PCDHGB7: variants seen among roughly 807,000 people sequenced by gnomAD.
PCDHGB7 encodes protocadherin gamma-B7.
A neutral mutation model predicts 61.4 loss-of-function variants in PCDHGB7; 37 were observed. The ratio of observed to expected loss-of-function variants is 0.60; its 90% confidence interval spans 0.46 to 0.79. The LOEUF (loss-of-function observed/expected upper bound fraction) is 0.79, where lower values mean the gene tolerates loss of function less well. PCDHGB7 is among the 30% of genes least tolerant of loss of function. PCDHGB7 has a pLI of 0.00. For missense variants in PCDHGB7, 1,166 were observed against 1,202.5 expected (o/e 0.97, Z 0.45); for synonymous variants, 464 against 503.5 (o/e 0.92, Z 1.05).
At chr5:141,420,722 A>G (rs1428516588) in intron 1 of PCDHGB7, among the ~76,000 whole-genome samples, 1 of 152,226 alleles carries the variant, frequency 6.6e-6, no homozygotes, top group African/African-American at 2.4e-5. Context: ...CGTTCCTTTC[A>G]GTCGGTTAAA....
At chr5:141,456,919 C>G (rs2098898169) in intron 1 of PCDHGB7, among the ~76,000 whole-genome samples, 1 of 152,124 alleles carries the variant, frequency 6.6e-6, no homozygotes, top group African/African-American at 2.4e-5. Flanking sequence ...GCCGAGATCG[C>G]ACCACTGCAC....
chr5:141,498,960 G>GGAGA (rs1381042115), intron 2 of PCDHGB7, among the ~76,000 whole-genome samples: 9 of 118,744 alleles, frequency 7.6e-5, no homozygotes, highest in African/African-American at 2.8e-4. Context: ...AGAGAGAGAG[G>GGAGA]GAGGGAGGGA....
intron 1 of PCDHGB7, among the ~76,000 whole-genome samples, chr5:141,474,669 C>T (rs983136753): frequency 6.6e-6 from 1 of 152,198 alleles, no homozygotes; most frequent in Non-Finnish European, 1.5e-5. Flanking sequence ...CCTACCTAAC[C>T]TATGTGCCTA....
intron 1 of PCDHGB7, among the ~76,000 whole-genome samples, chr5:141,473,907 C>T (rs552055360): frequency 2.0e-4 from 30 of 152,220 alleles, no homozygotes; most frequent in African/African-American, 7.2e-4. Context: ...ATGAAGAGGT[C>T]TTAAGAAAAC....
At position 141,431,427 on chromosome 5, in the gene PCDHGB7, C is replaced by G. The variant is rs1269666597; in HGVS notation, c.2415+11153C>G. The stretch of plus-strand genomic sequence containing the variant: ...TCCGACGGGGGCGACCCGGTGCGCA[C>G]AGGCACCGCGCGCATCCGCGTGATG... On this transcript the variant is annotated intron_variant, in intron 1 of 3. Transcript: ENST00000398594. The surrounding 1 kb of genome is among the most constrained non-coding windows in gnomAD (Gnocchi z 4.8). 1.2e-6 allele frequency: 2 copies of G among 1,613,584 alleles called. No homozygotes were observed.
In PCDHGB7 at chr5:141,418,533, C is replaced by G; in HGVS notation, c.674C>G (p.Thr225Ser). 1 of 1,614,032 alleles carries G rather than the reference C, an allele frequency of 6.2e-7. No homozygotes were observed. The highest frequency in any genetic ancestry group is 8.5e-7 in the Non-Finnish European group (1 of 1,179,904). Reference sequence around the variant, plus strand: ...GGTGGGGACCCTCCCCGAAGCGGTACTGCTCAGATAAGAATCCTGGTAATA... The same window carrying G: ...GGTGGGGACCCTCCCCGAAGCGGTAGTGCTCAGATAAGAATCCTGGTAATA... ...LDGGDPPRSG[T>S]AQIRILVIDA... The change falls in exon 1 of 4, where the codon ACT becomes AGT. Residue 225 changes from threonine (T) to serine (S), a missense_variant. Transcript: ENST00000398594.
Position 141,490,795 on chromosome 5 carries a change from C to G in PCDHGB7, c.2416-4012C>G. The G allele has an allele frequency of 6.2e-7, 1 of 1,614,036 alleles. No homozygotes were observed. The highest frequency in any genetic ancestry group is 1.1e-5 in the South Asian group (1 of 91,084). Reference sequence around the variant, plus strand: ...CCCAGAGGATGGACGGATCTTTGCCCAGCGTACCTTTGACTATGAATTGCT... The same window carrying G: ...CCCAGAGGATGGACGGATCTTTGCCGAGCGTACCTTTGACTATGAATTGCT... On this transcript the variant is annotated intron_variant, in intron 1 of 3. Transcript: ENST00000398594. This position sits in a 1 kb window ranked among gnomAD's most constrained non-coding sequence, Gnocchi z 5.4.
rs769671283 is a variant in PCDHGB7, at chr5:141,511,391, C to T, written c.*218C>T. On this transcript the variant is annotated 3_prime_UTR_variant, in exon 4 of 4. Transcript: ENST00000398594. Reference sequence around the variant, plus strand: ...TGCAAAAGCAGTTCCGCTGGGAACCCCCATCCAATCAACTGCTGTACCCAT... The same window carrying T: ...TGCAAAAGCAGTTCCGCTGGGAACCTCCATCCAATCAACTGCTGTACCCAT... The T allele has an allele frequency of 6.4e-5, 69 of 1,079,630 alleles. No individual in the cohort carries two copies. The highest frequency in any genetic ancestry group is 1.5e-4 in the Admixed American group (5 of 34,354). 66.9% of individuals were successfully genotyped at this position (1,079,630 alleles called of 1,614,324 possible). A position where few individuals can be genotyped will look rare whatever the true frequency, so the allele number is the denominator to read the frequency against.
intron 1 of PCDHGB7, among the ~76,000 whole-genome samples, chr5:141,472,147 G>T (rs2099272889): frequency 6.6e-6 from 1 of 152,112 alleles, no homozygotes; most frequent in South Asian, 2.1e-4. Flanking sequence ...AAAGTTTCAT[G>T]GTTACATAGC....
intron 1 of PCDHGB7, chr5:141,421,475 G>A (rs752558543): frequency 4.3e-6 from 7 of 1,614,150 alleles, no homozygotes. Flanking sequence ...CCGCGAAGCG[G>A]CAGCTTGATC....
chr5:141,496,876 A>G (rs964149656), intron 2 of PCDHGB7, among the ~76,000 whole-genome samples: 1 of 149,154 alleles, frequency 6.7e-6, no homozygotes, highest in African/African-American at 2.5e-5. Flanking sequence ...AAAATTTGCA[A>G]CAAGTAACAC....
Position 141,432,804 on chromosome 5 carries a change from C to T in PCDHGB7, c.2415+12530C>T, listed in dbSNP as rs1482036720. The T allele has an allele frequency of 1.2e-6, 2 of 1,614,182 alleles. No individual in the cohort carries two copies. Among genetic ancestry groups the T allele is most frequent in the Non-Finnish European group, 1.7e-6 (2 of 1,180,008 alleles). ...GACCTCGGCAGCCTCGAGTCTCCAG[C>T]TAACTCTGAAACCTCAGACCTCACT... is the stretch of plus-strand genomic sequence containing the variant. On this transcript the variant is annotated intron_variant, in intron 1 of 3. Transcript: ENST00000398594. This position sits in a 1 kb window ranked among gnomAD's most constrained non-coding sequence, Gnocchi z 6.0.
chr5:141,421,592 T>C (rs1590304832), intron 1 of PCDHGB7: 1 of 1,613,272 alleles, frequency 6.2e-7, no homozygotes, highest in Non-Finnish European at 8.5e-7. Context: ...GGAGTGGAGG[T>C]GGAAATAATA....
At chr5:141,500,809 A>G (rs1018522111) in intron 2 of PCDHGB7, among the ~76,000 whole-genome samples, 1 of 152,324 alleles carries the variant, frequency 6.6e-6, no homozygotes, top group African/African-American at 2.4e-5. Context: ...CCTCATATGA[A>G]TATACATATT....
At chr5:141,507,680 A>C (rs73794928) in intron 3 of PCDHGB7, among the ~76,000 whole-genome samples, 2,806 of 152,362 alleles carry the variant, frequency 0.018, 91 homozygotes, top group African/African-American at 0.063. Flanking sequence ...GATGTTAAAA[A>C]CAGAAATGAA....
At position 141,491,084 on chromosome 5, in the gene PCDHGB7, C is replaced by T; in HGVS notation, c.2416-3723C>T. On this transcript the variant is annotated intron_variant, in intron 1 of 3. Transcript: ENST00000398594. This position sits in a 1 kb window ranked among gnomAD's most constrained non-coding sequence, Gnocchi z 6.9. ...TACTCACTGTTGCCACAGTCCACAGCCCCAGGACTGTTCCTCGTGTCTACA... is the reference window on the plus strand; with the variant it reads ...TACTCACTGTTGCCACAGTCCACAGTCCCAGGACTGTTCCTCGTGTCTACA... The T allele has an allele frequency of 6.2e-7, 1 of 1,614,106 alleles. No homozygotes were observed. The highest frequency in any genetic ancestry group is 1.1e-5 in the South Asian group (1 of 91,082).
chr5:141,486,823 A>G lies in PCDHGB7; in HGVS notation c.2416-7984A>G, dbSNP rs778308736. On this transcript the variant is annotated intron_variant, in intron 1 of 3. Coordinates refer to ENST00000398594, the MANE Select transcript of PCDHGB7 (RefSeq NM_018927.4). The surrounding 1 kb of genome is among the most constrained non-coding windows in gnomAD (Gnocchi z 5.0). Reference sequence around the variant, plus strand: ...ACCCACCCCTTAGCAGCACTGTAACAGTTCGTCTATTTGTGCTGGACCTCA... The same window carrying G: ...ACCCACCCCTTAGCAGCACTGTAACGGTTCGTCTATTTGTGCTGGACCTCA... 1.2e-6 allele frequency: 2 copies of G among 1,614,104 alleles called. No individual in the cohort carries two copies. Among genetic ancestry groups the G allele is most frequent in the Admixed American group, 1.7e-5 (1 of 60,008 alleles).
At chr5:141,423,193 T>A in intron 1 of PCDHGB7, 2 of 1,613,564 alleles carry the variant, frequency 1.2e-6, no homozygotes, top group Non-Finnish European at 1.7e-6. Context: ...GCCCCCTCTC[T>A]CGGCCACCGT....
rs752463782 is a variant in PCDHGB7, at chr5:141,417,977, G to T, written c.118G>T (p.Glu40Ter). Residue 40 changes from glutamate to a stop codon, truncating the protein, a stop_gained, in exon 1 of 4, where the codon GAG becomes TAG. Transcript: ENST00000398594. LOFTEE classifies it high-confidence loss of function. ...GCCGATCCGCTACTCGATTCCGGAG[G>T]AGCTGGCCAAGGGCTCGGTGGTGGG... ...CEPIRYSIPE[E>*]LAKGSVVGNL... 2 of 1,613,872 alleles carry T rather than the reference G, an allele frequency of 1.2e-6. No individual in the cohort carries two copies. The highest frequency in any genetic ancestry group is 2.2e-5 in the South Asian group (2 of 91,082).
Sources: allele counts gnomAD v4.1 joint callset (sites outside exome capture counted in the v4.1 genomes callset), GRCh38; gene constraint gnomAD v4.1.1; non-coding constraint Gnocchi (gnomAD v3.1); transcripts MANE v1.5; gene names NCBI Gene and HGNC (gene_info 2026-07-23, HGNC 2026-07-21).